CCNJL: variants seen among roughly 807,000 people sequenced by gnomAD.
The protein encoded by CCNJL is cyclin-J-like protein.
A neutral mutation model predicts 33.4 loss-of-function variants in CCNJL; 33 were observed. That is an observed-to-expected ratio of 0.99 (90% CI 0.75 to 1.32). The LOEUF (loss-of-function observed/expected upper bound fraction) is 1.32. CCNJL is among the 40% of genes most tolerant of loss of function. The pLI is 0.00. For synonymous variants in CCNJL, 227 were observed against 220.9 expected, an observed-to-expected ratio of 1.03 and a Z score of -0.24; for missense variants, 512 against 499.7, an observed-to-expected ratio of 1.02 and a Z score of -0.23.
chr5:160,312,222 C>T (rs1232996468), intron 1 of CCNJL, 142 bp downstream of exon 1: 3 of 494,584 alleles, frequency 6.1e-6, no homozygotes, highest in Admixed American at 7.3e-5. Context: ...GCAAAAGTTG[C>T]AGAGAAAGTT....
intron 2 of CCNJL, among the ~76,000 whole-genome samples, chr5:160,288,909 G>GTTC (rs1282751139): frequency 6.6e-6 from 1 of 151,396 alleles, no homozygotes; most frequent in Non-Finnish European, 1.5e-5. Flanking sequence ...GTACTACTAG[G>GTTC]TTCTACCTGG....
intron 3 of CCNJL, among the ~76,000 whole-genome samples, chr5:160,266,065 G>A (rs939698860): frequency 6.6e-6 from 1 of 152,224 alleles, no homozygotes; most frequent in African/African-American, 2.4e-5. Context: ...AGGTGCTGAT[G>A]ATAAAGGAAA....
intron 1 of CCNJL, among the ~76,000 whole-genome samples, chr5:160,332,599 T>C (rs1309884280): frequency 6.6e-6 from 1 of 152,136 alleles, no homozygotes; most frequent in East Asian, 1.9e-4. Context: ...CTCTTGCTTG[T>C]CCTCAGACAT....
intron 2 of CCNJL, among the ~76,000 whole-genome samples, chr5:160,299,896 C>T (rs1370230240): frequency 2.0e-5 from 3 of 151,730 alleles, no homozygotes; most frequent in Non-Finnish European, 4.4e-5. Context: ...CTGTCTACCA[C>T]GTTGCGTCTA....
intron 2 of CCNJL, among the ~76,000 whole-genome samples, chr5:160,311,255 C>G (rs544620276): frequency 2.6e-5 from 4 of 152,224 alleles, no homozygotes; most frequent in Non-Finnish European, 5.9e-5. Context: ...CTTCCCTCAG[C>G]CTCCCTGTTT....
Position 160,252,615 on chromosome 5 carries a change from T to C in CCNJL, c.*763A>G, listed in dbSNP as rs1760855097. ...CCTGCGGGTCCATCACAAGTTGGGTTCAAACTTGGGTTCCAAATTAACAGC... is the reference window on the plus strand; with the variant it reads ...CCTGCGGGTCCATCACAAGTTGGGTCCAAACTTGGGTTCCAAATTAACAGC... On this transcript the variant is annotated 3_prime_UTR_variant, in exon 6 of 6. Coordinates refer to ENST00000257536, the MANE Select transcript of CCNJL (RefSeq NM_001308173.3). The C allele has an allele frequency of 6.6e-6, 1 of 152,600 alleles. No individual in the cohort carries two copies. The highest frequency in any genetic ancestry group is 2.1e-4 in the South Asian group (1 of 4,826). 9.5% of individuals were successfully genotyped at this position (152,600 alleles called of 1,614,324 possible).
intron 1 of CCNJL, 129 bp downstream of exon 1, chr5:160,312,235 C>T: frequency 2.1e-6 from 1 of 470,626 alleles, no homozygotes; most frequent in Admixed American, 3.7e-5. Context: ...AGAAAGTTGT[C>T]AACTCCGCTA....
At chr5:160,271,951 A>T (rs1039630621) in intron 3 of CCNJL, among the ~76,000 whole-genome samples, 1 of 152,190 alleles carries the variant, frequency 6.6e-6, no homozygotes, top group Non-Finnish European at 1.5e-5. Flanking sequence ...TTCCTTGAAG[A>T]TTTAGGTTTA....
chr5:160,297,932 T>G (rs1762800547), intron 2 of CCNJL, among the ~76,000 whole-genome samples: 1 of 152,140 alleles, frequency 6.6e-6, no homozygotes, highest in African/African-American at 2.4e-5. Context: ...ACCCCCGCCT[T>G]CTCACCTAGC....
rs1762276408 is a variant in CCNJL, at chr5:160,282,984, T to TATAA, written c.67-2247_67-2246insTTAT. ...TCCTTGGAATATATATATATATATA[T>TATAA]ATATATATATATATATATATATATA... is the stretch of plus-strand genomic sequence containing the variant. On this transcript the variant is annotated intron_variant, in intron 2 of 5. Transcript: ENST00000257536. 6.9e-5 allele frequency among the ~76,000 whole-genome samples: 4 copies of TATAA among 58,102 alleles called. No individual in the cohort carries two copies. The South Asian group carries it at 2.8e-3, about 40-fold the overall frequency. The allele number at this position is 58,102 out of a possible 152,430, so 38.1% of individuals were successfully genotyped here.
chr5:160,303,672 C>T (rs775535599), intron 2 of CCNJL, among the ~76,000 whole-genome samples: 4 of 149,406 alleles, frequency 2.7e-5, no homozygotes, highest in Non-Finnish European at 5.9e-5. Flanking sequence ...TTCATTTTTG[C>T]CATTTCTTAA....
intron 3 of CCNJL, among the ~76,000 whole-genome samples, chr5:160,262,494 C>G (rs940750587): frequency 6.6e-6 from 1 of 152,186 alleles, no homozygotes. Flanking sequence ...GCACTAAACT[C>G]GACAGGCTGC....
intron 3 of CCNJL, among the ~76,000 whole-genome samples, chr5:160,273,752 T>C (rs1253575815): frequency 6.9e-6 from 1 of 144,464 alleles, no homozygotes; most frequent in Non-Finnish European, 1.5e-5. Flanking sequence ...GTTCAAGCAA[T>C]TCTCCTCCCT....
chr5:160,286,450 C>G (rs546677343), intron 2 of CCNJL, among the ~76,000 whole-genome samples: 1 of 152,072 alleles, frequency 6.6e-6, no homozygotes, highest in African/African-American at 2.4e-5. Context: ...CCAGCCTGGT[C>G]GTCATGGCAA....
rs1387716703 is a variant in CCNJL at position 160,321,056 on chromosome 5, TTC to T, written n.207-5553_207-5552del. Among the ~76,000 whole-genome samples the T allele has an allele frequency of 2.3e-3, 289 of 126,714 alleles. 11 individuals carry two copies. Among genetic ancestry groups the T allele is most frequent in the African/African-American group, 0.011 (273 of 24,740 alleles). The allele number at this position is 126,714 out of a possible 152,430, so 83.1% of individuals were successfully genotyped here. A position where few individuals can be genotyped will look rare whatever the true frequency, so the allele number is the denominator to read the frequency against. On this transcript the variant is annotated intron_variant and non_coding_transcript_variant, in intron 1 of 7. Transcript: ENST00000377503. Reference sequence around the variant, plus strand: ...TTTCTTTCTTTCTTTCTTTCTTTCTTTCTTTCTTTCTTTCTTTCTTTCTTTCT... The same window carrying T: ...TTTCTTTCTTTCTTTCTTTCTTTCTTTTTCTTTCTTTCTTTCTTTCTTTCT...
chr5:160,307,699 C>T (rs1763134650), intron 2 of CCNJL, among the ~76,000 whole-genome samples: 1 of 152,028 alleles, frequency 6.6e-6, no homozygotes, highest in African/African-American at 2.4e-5. Context: ...GCAAGAAACC[C>T]CACATCCCTG....
chr5:160,315,637 G>A (rs192228208), upstream of CCNJL: 5 of 65,452 alleles, frequency 7.6e-5, no homozygotes, highest in African/African-American at 1.3e-4. Context: ...AATATTAACT[G>A]TGTAATCAGA....
In CCNJL at chr5:160,255,708, T is replaced by C; in HGVS notation, c.584A>G (p.Asp195Gly). The C allele has an allele frequency of 1.2e-6, 2 of 1,613,574 alleles. No individual in the cohort carries two copies. The highest frequency in any genetic ancestry group is 1.1e-5 in the South Asian group (1 of 91,050). Residue 195 changes from aspartate (D) to glycine (G), a missense_variant and splice_region_variant, in exon 5 of 6, where the codon GAT becomes GGT. By Grantham distance (94) the Asp-to-Gly change is moderately conservative. Coordinates refer to ENST00000257536, the MANE Select transcript of CCNJL (RefSeq NM_001308173.3). ...AGGCTGGAATTTGTAGAATATGTGATCTGAAAGAAAGCCACGGAGGGAGTC... is the reference window on the plus strand; with the variant it reads ...AGGCTGGAATTTGTAGAATATGTGACCTGAAAGAAAGCCACGGAGGGAGTC... ...AHYFLEVTLQ[D>G]HIFYKFQPSV...
chr5:160,271,000 T>C (rs1054253148), intron 3 of CCNJL, among the ~76,000 whole-genome samples: 1 of 152,180 alleles, frequency 6.6e-6, no homozygotes, highest in Non-Finnish European at 1.5e-5. Flanking sequence ...AAGAGAGACT[T>C]TTCCTGTCTA....
Sources: gnomAD v4.1 joint callset for allele counts (sites outside exome capture counted in the v4.1 genomes callset) on GRCh38, gnomAD v4.1.1 for gene constraint, MANE v1.5 for transcripts, NCBI Gene and HGNC (gene_info 2026-07-23, HGNC 2026-07-21) for gene names.